Variants in MIP observed in about 807,000 individuals in gnomAD.
The protein encoded by MIP is major intrinsic protein of lens fiber.
Under a neutral mutation model 21.8 loss-of-function variants are expected in MIP, and 14 were observed. The ratio of observed to expected loss-of-function variants is 0.64; its 90% CI spans 0.42 to 1.00. The LOEUF (loss-of-function observed/expected upper bound fraction) is 1.00, where lower values mean the gene tolerates loss of function less well. Ranked by LOEUF, MIP falls within the 50% of genes least tolerant of loss-of-function variation. The pLI is 0.00. For missense variants in MIP, 260 were observed against 333.5 expected (o/e 0.78, Z 1.72); for synonymous variants, 133 against 141.4 (o/e 0.94, Z 0.42).
rs1868541169 is a variant in MIP, at chr12:56,450,116, A to C, written c.*1164T>G. ...TTAAGCATTTGAATAGAAGGAATCAATTTCTGGGGTATGAGGGAGTTAGAA... is the reference window on the plus strand; with the variant it reads ...TTAAGCATTTGAATAGAAGGAATCACTTTCTGGGGTATGAGGGAGTTAGAA... On this transcript the variant is annotated 3_prime_UTR_variant, in exon 4 of 4. Transcript: ENST00000652304. 1.3e-5 allele frequency: 2 copies of C among 152,060 alleles called. No individual in the cohort carries two copies. Among genetic ancestry groups the C allele is most frequent in the African/African-American group, 4.8e-5 (2 of 41,416 alleles). 9.4% of individuals were successfully genotyped at this position (152,060 alleles called of 1,614,324 possible).
chr12:56,454,103 G>A, intron 1 of MIP, 151 bp downstream of exon 1: 6 of 1,156,178 alleles, frequency 5.2e-6, no homozygotes, highest in Non-Finnish European at 6.3e-6. Context: ...TAAACCACCT[G>A]TCAATCCTCA....
Position 56,453,185 on chromosome 12 carries a change from C to A in MIP, c.526-33G>T, listed in dbSNP as rs1259975751. On this transcript the variant is annotated intron_variant, in intron 2 of 3. Transcript: ENST00000652304. Reference sequence around the variant, plus strand: ...AGAGACAGTTGTAACTGAGACACCCCCCTACTGCACCCCAGCTTCTCTCCC... The same window carrying A: ...AGAGACAGTTGTAACTGAGACACCCACCTACTGCACCCCAGCTTCTCTCCC... 15 of 1,440,844 alleles carry A rather than the reference C, an allele frequency of 1.0e-5. No homozygotes were observed. The East Asian group carries it at 3.4e-4, about 33-fold the overall frequency. The allele number at this position is 1,440,844 out of a possible 1,614,324, so 89.3% of individuals were successfully genotyped here.
At chr12:56,454,954 T>C (rs1481495210), upstream of MIP, among the ~76,000 whole-genome samples, 1 of 152,096 alleles carries the variant, frequency 6.6e-6, no homozygotes. Context: ...TTGGGGTTCA[T>C]TGTCCTGATT....
Position 56,451,265 on chromosome 12 carries a change from A to G in MIP, c.*15T>C, listed in dbSNP as rs775991985. The G allele has an allele frequency of 1.2e-6, 2 of 1,612,582 alleles. No individual in the cohort carries two copies. Among genetic ancestry groups the G allele is most frequent in the South Asian group, 1.1e-5 (1 of 91,004 alleles). ...AACTCAGAAGCTTTCTACTCCCTCT[A>G]TTCAGCTGGAGCTTCTACAGGGCCT... is the stretch of plus-strand genomic sequence containing the variant. On this transcript the variant is annotated 3_prime_UTR_variant, in exon 4 of 4. Transcript: ENST00000652304.
chr12:56,453,676 G>C lies in MIP; in HGVS notation c.440C>G (p.Ala147Gly), dbSNP rs1213498903. The C allele has an allele frequency of 6.2e-7, 1 of 1,614,218 alleles. No individual in the cohort carries two copies. Among genetic ancestry groups the C allele is most frequent in the Admixed American group, 1.7e-5 (1 of 60,030 alleles). Residue 147 changes from alanine (A) to glycine (G), a missense_variant, in exon 2 of 4, where the codon GCC becomes GGC. Transcript: ENST00000652304. Reference sequence around the variant, plus strand: ...GCCATTCCGCCTCTCGTCGTATGTGGCAAAGATGCAGAGCACGAACTGGAG... The same window carrying C: ...GCCATTCCGCCTCTCGTCGTATGTGCCAAAGATGCAGAGCACGAACTGGAG... Reference protein sequence around the residue: ...LTLQFVLCIFATYDERRNGQL... With the variant: ...LTLQFVLCIFGTYDERRNGQL...
chr12:56,452,037 G>A (rs1212675475), intron 3 of MIP, among the ~76,000 whole-genome samples: 1 of 152,142 alleles, frequency 6.6e-6, no homozygotes, highest in Non-Finnish European at 1.5e-5. Context: ...GGGTGACAGA[G>A]GGAGACTCCA....
In MIP at chr12:56,449,774, C is replaced by G. The variant is rs1565692736; in HGVS notation, c.*1506G>C. The G allele has an allele frequency of 6.6e-6, 1 of 152,078 alleles. No homozygotes were observed. The highest frequency in any genetic ancestry group is 1.5e-5 in the Non-Finnish European group (1 of 68,024). 9.4% of individuals were successfully genotyped at this position (152,078 alleles called of 1,614,324 possible). A position where few individuals can be genotyped will look rare whatever the true frequency, so the allele number is the denominator to read the frequency against. Reference sequence around the variant, plus strand: ...ATTATAGGTATAAATTTAAAGCTTTCAAAGTATGCAAGAGGCTCATAAAAG... The same window carrying G: ...ATTATAGGTATAAATTTAAAGCTTTGAAAGTATGCAAGAGGCTCATAAAAG... On this transcript the variant is annotated 3_prime_UTR_variant, in exon 4 of 4. Coordinates refer to ENST00000652304, the MANE Select transcript of MIP (RefSeq NM_012064.4).
intron 2 of MIP, 46 bp downstream of exon 2, chr12:56,453,545 G>A (rs1592264407): frequency 6.2e-7 from 1 of 1,612,618 alleles, no homozygotes; most frequent in Non-Finnish European, 8.5e-7. Flanking sequence ...AAAGGTTTAG[G>A]GGCCCCGGAA....
At chr12:56,453,790 A>C (rs749576610) in intron 1 of MIP, 35 bp from the exon 2 acceptor site, 2 of 1,600,620 alleles carry the variant, frequency 1.2e-6, no homozygotes, top group South Asian at 1.1e-5. Flanking sequence ...ACAGCTCAGG[A>C]GGGCTGCCAC....
At chr12:56,452,877 G>C in intron 3 of MIP, 195 bp downstream of exon 3, 1 of 628,424 alleles carries the variant, frequency 1.6e-6, no homozygotes, top group Non-Finnish European at 2.9e-6. Context: ...GGAAAAATAT[G>C]AGCAAGAGCC....
intron 3 of MIP, 64 bp from the exon 4 acceptor site, chr12:56,451,529 T>G: frequency 7.2e-7 from 1 of 1,396,766 alleles, no homozygotes; most frequent in Non-Finnish European, 1.0e-6. Context: ...GCTGCTCTTT[T>G]TCCAGCCACC....
Position 56,451,126 on chromosome 12 carries a change from A to G in MIP, c.*154T>C, listed in dbSNP as rs566414495. 3.7e-5 allele frequency: 24 copies of G among 648,750 alleles called. No individual in the cohort carries two copies. In the Admixed American group the frequency reaches 6.5e-4, roughly 18 times the overall value. 40.2% of individuals were successfully genotyped at this position (648,750 alleles called of 1,614,324 possible). ...TGCAACTTGAAAGATTTCACACAGCAAAAGGAAAAAAAAAAAAAAAACAAC... is the reference window on the plus strand; with the variant it reads ...TGCAACTTGAAAGATTTCACACAGCGAAAGGAAAAAAAAAAAAAAAACAAC... On this transcript the variant is annotated 3_prime_UTR_variant, in exon 4 of 4. Transcript: ENST00000652304.
rs1447833651 is a variant in MIP, at chr12:56,454,607, C to T, written c.7G>A (p.Glu3Lys). MW[E>K]LRSASFWRAI... Reference sequence around the variant, plus strand: ...CTCCAAAAGGAGGCTGATCGCAGTTCCCACATGGCAGGGGGGATGGTCACA... The same window carrying T: ...CTCCAAAAGGAGGCTGATCGCAGTTTCCACATGGCAGGGGGGATGGTCACA... The change falls in exon 1 of 4, where the codon GAA becomes AAA. Residue 3 changes from glutamate to lysine, a missense_variant. Physicochemically the swap from Glu to Lys is moderately conservative, Grantham distance 56. Coordinates refer to ENST00000652304, the MANE Select transcript of MIP (RefSeq NM_012064.4). The T allele has an allele frequency of 6.2e-7, 1 of 1,613,942 alleles. No individual in the cohort carries two copies. The highest frequency in any genetic ancestry group is 8.5e-7 in the Non-Finnish European group (1 of 1,179,978).
chr12:56,451,616 C>T (rs965120838), intron 3 of MIP, 151 bp from the exon 4 acceptor site: 3 of 671,032 alleles, frequency 4.5e-6, no homozygotes, highest in Non-Finnish European at 7.8e-6. Context: ...TCAAATTACT[C>T]CTTTATCCCA....
At chr12:56,454,179 CT>C in intron 1 of MIP, 74 bp downstream of exon 1, 2 of 1,600,412 alleles carry the variant, frequency 1.2e-6, no homozygotes, top group Non-Finnish European at 1.7e-6. Flanking sequence ...GCTGATTCAC[CT>C]GCACCAGTCA....
At chr12:56,453,960 G>T (rs1229884075) in intron 1 of MIP, among the ~76,000 whole-genome samples, 2 of 152,212 alleles carry the variant, frequency 1.3e-5, no homozygotes, top group Non-Finnish European at 2.9e-5. Context: ...CCACTTACAT[G>T]TATGAGGAAA....
chr12:56,454,327 C>A lies in MIP; in HGVS notation c.287G>T (p.Gly96Val). ...CAGCACAGCGGCCCCAGCCACAGCT[C>A]CCAGGAGCTGGGCTGCCATATAGCA... ...AFCYMAAQLL[G>V]AVAGAAVLYS... Residue 96 changes from glycine to valine, a missense_variant, in exon 1 of 4, where the codon GGA becomes GTA. Coordinates refer to ENST00000652304, the MANE Select transcript of MIP (RefSeq NM_012064.4). 6.2e-7 allele frequency: 1 copy of A among 1,613,864 alleles called. No individual in the cohort carries two copies. The highest frequency in any genetic ancestry group is 1.1e-5 in the South Asian group (1 of 91,082).
Position 56,454,629 on chromosome 12 carries a change from C to T in MIP, c.-16G>A. The T allele has an allele frequency of 6.2e-7, 1 of 1,613,330 alleles. No homozygotes were observed. The highest frequency in any genetic ancestry group is 1.1e-5 in the South Asian group (1 of 90,958). On this transcript the variant is annotated 5_prime_UTR_variant, in exon 1 of 4. The change abolishes the stop of an existing upstream ORF in the 5' untranslated region. Transcript: ENST00000652304. ...GTTCCCACATGGCAGGGGGGATGGTCACAGTGCCTGGGTCCCTGCTACCCC... is the reference window on the plus strand; with the variant it reads ...GTTCCCACATGGCAGGGGGGATGGTTACAGTGCCTGGGTCCCTGCTACCCC...
In MIP at chr12:56,453,754, A is replaced by T. The variant is rs1485107582; in HGVS notation, c.362T>A (p.Leu121Ter). ...CTGGCCCACGCTCACCGCAGGGTGC[A>T]ACTGTGCAAAGGAAGAAGAAGAGAG... ...AVRGNLALNT[L>*]HPAVSVGQAT... The change falls in exon 2 of 4, where the codon TTG becomes TAG. Residue 121 changes from leucine to a stop codon, truncating the protein, a stop_gained and splice_region_variant. Coordinates refer to ENST00000652304, the MANE Select transcript of MIP (RefSeq NM_012064.4). LOFTEE classifies it high-confidence loss of function. 5 of 1,613,094 alleles carry T rather than the reference A, an allele frequency of 3.1e-6. No homozygotes were observed. The highest frequency in any genetic ancestry group is 4.2e-6 in the Non-Finnish European group (5 of 1,179,678).
Sources: gnomAD v4.1 joint callset for allele counts (sites outside exome capture counted in the v4.1 genomes callset) on GRCh38, gnomAD v4.1.1 for gene constraint, MANE v1.5 for transcripts, NCBI Gene and HGNC (gene_info 2026-07-23, HGNC 2026-07-21) for gene names.